Variants in UPP2 observed in about 807,000 individuals in gnomAD.
UPP2 encodes UPase 2.
UPP2 carries 23 observed loss-of-function variants against 26.7 expected under a neutral mutation model. That is an observed-to-expected ratio of 0.86 (90% CI 0.62 to 1.22). UPP2 has a LOEUF of 1.22. Among genes scored for constraint, UPP2 ranks in the 50% most tolerant of loss-of-function variants. UPP2 has a pLI of 0.00. For missense variants in UPP2, 387 were observed against 396.7 expected, an observed-to-expected ratio of 0.98 and a Z score of 0.21; for synonymous variants, 127 against 141.3, an observed-to-expected ratio of 0.90 and a Z score of 0.72.
At chr2:158,125,524 C>A (rs1234605257) in intron 6 of UPP2, among the ~76,000 whole-genome samples, 1 of 151,666 alleles carries the variant, frequency 6.6e-6, no homozygotes, top group African/African-American at 2.4e-5. Context: ...TGGGTTCAAG[C>A]AATTCTCTTG....
chr2:158,025,099 G>A, intron 3 of UPP2, among the ~76,000 whole-genome samples: 1 of 152,018 alleles, frequency 6.6e-6, no homozygotes, highest in Non-Finnish European at 1.5e-5. Flanking sequence ...CTACTTGGGA[G>A]GCTGAGGCAG....
chr2:158,030,509 C>T (rs527446427), intron 3 of UPP2, among the ~76,000 whole-genome samples: 1 of 152,268 alleles, frequency 6.6e-6, no homozygotes, highest in South Asian at 2.1e-4. Context: ...TGGCAACAGA[C>T]TCCTGAAGTT....
Position 158,134,951 on chromosome 2 carries a change from A to T in UPP2, c.*61A>T. ...GTTTGTAGCTCAAGTTGTAATGTGAAAGTCATATTTTATTTGTGGCATTTT... is the reference window on the plus strand; with the variant it reads ...GTTTGTAGCTCAAGTTGTAATGTGATAGTCATATTTTATTTGTGGCATTTT... On this transcript the variant is annotated 3_prime_UTR_variant, in exon 7 of 7. Transcript: ENST00000005756. The T allele has an allele frequency of 6.6e-7, 1 of 1,512,668 alleles. No individual in the cohort carries two copies. 93.7% of individuals were successfully genotyped at this position (1,512,668 alleles called of 1,614,324 possible).
chr2:158,132,396 A>C (rs190195680), intron 6 of UPP2, among the ~76,000 whole-genome samples: 1 of 152,198 alleles, frequency 6.6e-6, no homozygotes, highest in Admixed American at 6.5e-5. Flanking sequence ...GGAAGCTAGG[A>C]GTTGATTGGC....
In UPP2 at chr2:158,052,539, A is replaced by G. The variant is rs549127935; in HGVS notation, c.147+36653A>G. Among the ~76,000 whole-genome samples, 23 of 152,342 alleles carry G rather than the reference A, an allele frequency of 1.5e-4. 1 individual carries two copies. The highest frequency in any genetic ancestry group is 6.8e-3 in the Middle Eastern group (2 of 294). ...TGGACACCAACAGTAGCCATTCATT[A>G]TATGGGTATTGAATGACTGAATTGG... On this transcript the variant is annotated intron_variant, in intron 3 of 9. Coordinates refer to the UPP2 transcript ENST00000605860.
chr2:158,112,651 A>C (rs1052919866), intron 2 of UPP2, among the ~76,000 whole-genome samples: 1 of 152,208 alleles, frequency 6.6e-6, no homozygotes, highest in African/African-American at 2.4e-5. Context: ...ACATCTAAAT[A>C]TGTCTTTTAT....
intron 1 of UPP2, among the ~76,000 whole-genome samples, chr2:158,103,290 G>A (rs1683114431): frequency 6.6e-6 from 1 of 151,996 alleles, no homozygotes; most frequent in Non-Finnish European, 1.5e-5. Flanking sequence ...AGGGCATCAA[G>A]GAAAACTAAT....
intron 3 of UPP2, among the ~76,000 whole-genome samples, chr2:158,046,094 A>T (rs749778298): frequency 6.6e-6 from 1 of 152,254 alleles, no homozygotes; most frequent in Non-Finnish European, 1.5e-5. Flanking sequence ...AAGAATGTCA[A>T]AATTATTGCT....
At chr2:158,113,972 G>A (rs1683370749) in intron 2 of UPP2, among the ~76,000 whole-genome samples, 1 of 152,194 alleles carries the variant, frequency 6.6e-6, no homozygotes, top group African/African-American at 2.4e-5. Flanking sequence ...CTGGACTTGT[G>A]CAATGTCCTT....
intron 3 of UPP2, among the ~76,000 whole-genome samples, chr2:158,031,235 T>C (rs1159134953): frequency 6.6e-6 from 1 of 152,008 alleles, no homozygotes; most frequent in Non-Finnish European, 1.5e-5. Context: ...GGTTCATAGA[T>C]TTTGGAGTAG....
At chr2:158,007,438 T>C (rs1574242288) in intron 2 of UPP2, among the ~76,000 whole-genome samples, 1 of 151,860 alleles carries the variant, frequency 6.6e-6, no homozygotes, top group Admixed American at 6.6e-5. Context: ...CCATAACAAA[T>C]TGATCTTGCC....
chr2:158,085,560 G>C (rs1682801092), intron 3 of UPP2, among the ~76,000 whole-genome samples: 1 of 152,110 alleles, frequency 6.6e-6, no homozygotes, highest in South Asian at 2.1e-4. Context: ...TGGTGAGAGA[G>C]GGCATTCTTG....
intron 6 of UPP2, among the ~76,000 whole-genome samples, chr2:158,128,688 G>A (rs911834535): frequency 6.6e-6 from 1 of 152,136 alleles, no homozygotes; most frequent in African/African-American, 2.4e-5. Flanking sequence ...GCCATTTCTT[G>A]CCAGCAGCCT....
intron 3 of UPP2, among the ~76,000 whole-genome samples, chr2:158,069,130 A>G (rs1682495979): frequency 6.6e-6 from 1 of 151,938 alleles, no homozygotes; most frequent in Non-Finnish European, 1.5e-5. Context: ...TGCTGTCCAG[A>G]GGCTAGTCGC....
At chr2:158,120,168 G>T (rs1048922623) in intron 4 of UPP2, among the ~76,000 whole-genome samples, 29 of 152,060 alleles carry the variant, frequency 1.9e-4, no homozygotes, top group African/African-American at 6.7e-4. Context: ...CACCCTGAAG[G>T]ATAAGTCTAT....
intron 3 of UPP2, among the ~76,000 whole-genome samples, chr2:158,083,588 G>A (rs932337790): frequency 6.6e-6 from 1 of 151,952 alleles, no homozygotes; most frequent in African/African-American, 2.4e-5. Context: ...GTAGCATTAG[G>A]AGAAATACCT....
At chr2:157,999,176 GTTGTTGTTGTTA>G (rs1683367579) in intron 2 of UPP2, among the ~76,000 whole-genome samples, 1 of 151,936 alleles carries the variant, frequency 6.6e-6, no homozygotes, top group Non-Finnish European at 1.5e-5. Context: ...TGTTGTTGTT[GTTGTTGTTGTTA>G]TTGTTGTTGA....
intron 3 of UPP2, among the ~76,000 whole-genome samples, chr2:158,076,149 C>A (rs1294781745): frequency 1.3e-5 from 2 of 151,978 alleles, no homozygotes; most frequent in South Asian, 2.1e-4. Context: ...CCTGAACAGA[C>A]CAATAACAAC....
At chr2:158,103,918 TGTAGTA>T (rs1683127092) in intron 1 of UPP2, among the ~76,000 whole-genome samples, 2 of 152,354 alleles carry the variant, frequency 1.3e-5, no homozygotes, top group East Asian at 3.9e-4. Flanking sequence ...AAGCTTGTTC[TGTAGTA>T]GTAATGTGTA....
Sources: allele counts gnomAD v4.1 joint callset (sites outside exome capture counted in the v4.1 genomes callset), GRCh38; gene constraint gnomAD v4.1.1; transcripts MANE v1.5; gene names NCBI Gene and HGNC (gene_info 2026-07-23, HGNC 2026-07-21).